Variants in UGT1A7 observed in about 807,000 individuals in gnomAD.
The protein encoded by UGT1A7 is UDP-glucuronosyltransferase 1A7.
A neutral mutation model predicts 45.6 loss-of-function variants in UGT1A7; 33 were observed. The observed-to-expected ratio is 0.72, with a 90% confidence interval of 0.55 to 0.97. The LOEUF is 0.97. Ranked by LOEUF, UGT1A7 falls within the 50% of genes least tolerant of loss-of-function variation. The pLI, the probability that UGT1A7 is intolerant of heterozygous loss-of-function variation, is 0.00. For missense variants in UGT1A7, 684 were observed against 666.2 expected (o/e 1.03, Z -0.29); for synonymous variants, 274 against 250.6 (o/e 1.09, Z -0.88).
At chr2:233,743,140 A>C (rs1692212499) in intron 1 of UGT1A7, 1 of 356,854 alleles carries the variant, frequency 2.8e-6, no homozygotes, top group African/African-American at 2.2e-5. Flanking sequence ...ATCCTAAAAA[A>C]AGTCCGCTAT....
intron 1 of UGT1A7, among the ~76,000 whole-genome samples, chr2:233,741,293 A>G (rs1691617867): frequency 6.6e-6 from 1 of 151,772 alleles, no homozygotes; most frequent in Non-Finnish European, 1.5e-5. Context: ...TATGTACCCA[A>G]TTGTGTAGAT....
intron 1 of UGT1A7, among the ~76,000 whole-genome samples, chr2:233,745,884 T>C (rs1158721424): frequency 1.3e-5 from 2 of 150,192 alleles, no homozygotes; most frequent in East Asian, 2.0e-4. Flanking sequence ...GAAGTGTTGG[T>C]GGGGTGGCGT....
At position 233,707,178 on chromosome 2, in the gene UGT1A7, G is replaced by A. The variant is rs188672794; in HGVS notation, c.855+24386G>A. 2.8e-3 allele frequency among the ~76,000 whole-genome samples: 419 copies of A among 152,098 alleles called. 4 individuals are homozygous for A. Among genetic ancestry groups the A allele is most frequent in the African/African-American group, 9.8e-3 (406 of 41,496 alleles). Reference sequence around the variant, plus strand: ...TATCAGCACCCAGACATCCATCCTGGGTGCCTGCCCTCCGTTCTATTCCCT... The same window carrying A: ...TATCAGCACCCAGACATCCATCCTGAGTGCCTGCCCTCCGTTCTATTCCCT... On this transcript the variant is annotated intron_variant, in intron 1 of 4. Coordinates refer to ENST00000373426, the MANE Select transcript of UGT1A7 (RefSeq NM_019077.3).
chr2:233,712,879 A>C (rs969430104), intron 1 of UGT1A7: 3 of 1,597,048 alleles, frequency 1.9e-6, no homozygotes, highest in Non-Finnish European at 2.6e-6. Flanking sequence ...CTCTGTCTTC[A>C]ATTACATGTT....
At chr2:233,716,874 C>T (rs146573773) in intron 1 of UGT1A7, among the ~76,000 whole-genome samples, 54 of 152,252 alleles carry the variant, frequency 3.5e-4, no homozygotes, top group Admixed American at 8.5e-4. Context: ...CCAAGTCTAT[C>T]TGTGCAGCCC....
chr2:233,765,063 G>A (rs1333981989), intron 1 of UGT1A7, among the ~76,000 whole-genome samples: 3 of 152,054 alleles, frequency 2.0e-5, no homozygotes, highest in Non-Finnish European at 4.4e-5. Flanking sequence ...CCCTGTCAGA[G>A]GTCTCCTGTG....
intron 1 of UGT1A7, chr2:233,729,317 A>G: frequency 6.2e-7 from 1 of 1,614,270 alleles, no homozygotes; most frequent in Non-Finnish European, 8.5e-7. Flanking sequence ...CTCACCCCAG[A>G]GGTGAATATG....
chr2:233,697,896 A>G (rs1200423778), intron 1 of UGT1A7, among the ~76,000 whole-genome samples: 2 of 152,230 alleles, frequency 1.3e-5, no homozygotes, highest in Non-Finnish European at 2.9e-5. Flanking sequence ...ATTGAATCAA[A>G]TCTATTGACT....
chr2:233,738,766 T>G (rs1690890490), intron 1 of UGT1A7, among the ~76,000 whole-genome samples: 1 of 152,128 alleles, frequency 6.6e-6, no homozygotes, highest in Non-Finnish European at 1.5e-5. Context: ...AAAACCCATT[T>G]TATGGGGAGA....
chr2:233,760,172 C>T (rs1421203838), intron 1 of UGT1A7: 1 of 1,533,858 alleles, frequency 6.5e-7, no homozygotes, highest in Admixed American at 1.9e-5. Flanking sequence ...TGTGGACTGA[C>T]AGCTTTTTAT....
Position 233,719,499 on chromosome 2 carries a change from T to C in UGT1A7, c.855+36707T>C, listed in dbSNP as rs761613256. The C allele has an allele frequency of 9.3e-6, 15 of 1,613,718 alleles. No homozygotes were observed. Among genetic ancestry groups the C allele is most frequent in the Non-Finnish European group, 8.5e-6 (10 of 1,179,804 alleles). Reference sequence around the variant, plus strand: ...GGCCCTGTCCTACATTTGCCATACTTTTTCTGCCCCTTATGCAAGTCTTGC... The same window carrying C: ...GGCCCTGTCCTACATTTGCCATACTCTTTCTGCCCCTTATGCAAGTCTTGC... On this transcript the variant is annotated intron_variant, in intron 1 of 4. Transcript: ENST00000373426.
chr2:233,686,326 G>A (rs2074783596), intron 1 of UGT1A7, among the ~76,000 whole-genome samples: 1 of 151,896 alleles, frequency 6.6e-6, no homozygotes, highest in Non-Finnish European at 1.5e-5. Flanking sequence ...TTATCAAAAT[G>A]TTTTTATACA....
intron 1 of UGT1A7, among the ~76,000 whole-genome samples, chr2:233,702,262 A>C (rs1404210382): frequency 2.6e-5 from 4 of 152,200 alleles, no homozygotes; most frequent in Non-Finnish European, 5.9e-5. Context: ...CACAAAATAC[A>C]TGAATAGCTT....
At chr2:233,743,929 G>C in intron 1 of UGT1A7, 1 of 1,360,304 alleles carries the variant, frequency 7.4e-7, no homozygotes, top group Non-Finnish European at 9.8e-7. Flanking sequence ...TGGATGGCCA[G>C]AACGGCCCAC....
chr2:233,690,619 C>A (rs1210320022), intron 1 of UGT1A7: 6 of 1,289,180 alleles, frequency 4.7e-6, no homozygotes, highest in Non-Finnish European at 5.1e-6. Context: ...TGCCTGGACA[C>A]TCAAGTGATA....
chr2:233,694,889 T>C (rs2075246653), intron 1 of UGT1A7, among the ~76,000 whole-genome samples: 1 of 152,252 alleles, frequency 6.6e-6, no homozygotes, highest in Non-Finnish European at 1.5e-5. Context: ...GGGGGGTTCA[T>C]GTGATATTTT....
At position 233,747,622 on chromosome 2, in the gene UGT1A7, T is replaced by C. The variant is rs1257068913; in HGVS notation, c.856-19412T>C. On this transcript the variant is annotated intron_variant, in intron 1 of 4. Coordinates refer to ENST00000373426, the MANE Select transcript of UGT1A7 (RefSeq NM_019077.3). ...GTGGAGCTACTGCATAATGAGGCCC[T>C]GATCAGGCACCTGAATGCTACTTCC... The C allele has an allele frequency of 4.4e-6, 7 of 1,577,454 alleles. No individual in the cohort carries two copies. The African/African-American group carries it at 8.2e-5, about 18-fold the overall frequency.
At chr2:233,692,444 G>A (rs1365940392) in intron 1 of UGT1A7, 1 of 156,726 alleles carries the variant, frequency 6.4e-6, no homozygotes, top group Non-Finnish European at 1.4e-5. Flanking sequence ...GGGTAACCTG[G>A]GGACCTACTA....
chr2:233,691,465 C>A (rs2075044016), intron 1 of UGT1A7: 1 of 985,664 alleles, frequency 1.0e-6, no homozygotes, highest in Non-Finnish European at 1.2e-6. Context: ...CCCCAGAACA[C>A]CTCCGGTGCC....
Sources: gnomAD v4.1 joint callset for allele counts (sites outside exome capture counted in the v4.1 genomes callset) on GRCh38, gnomAD v4.1.1 for gene constraint, MANE v1.5 for transcripts, NCBI Gene and HGNC (gene_info 2026-07-23, HGNC 2026-07-21) for gene names.